Variants in NEK7 observed in about 807,000 individuals in gnomAD.
The protein encoded by NEK7 is serine/threonine-protein kinase Nek7.
A neutral mutation model predicts 44.6 loss-of-function variants in NEK7; 18 were observed. The observed-to-expected ratio is 0.40, with a 90% CI of 0.28 to 0.60. The LOEUF is 0.60. NEK7 is among the 20% of genes least tolerant of loss of function. The probability of loss-of-function intolerance (pLI) is 0.38; values close to 1 mark genes in which losing one functional copy is unlikely to be tolerated. For missense variants in NEK7, 256 were observed against 366.5 expected, an observed-to-expected ratio of 0.70 and a Z score of 2.46; for synonymous variants, 130 against 121.1, an observed-to-expected ratio of 1.07 and a Z score of -0.48.
At chr1:198,290,306 A>G (rs529042202) in intron 7 of NEK7, among the ~76,000 whole-genome samples, 1 of 152,332 alleles carries the variant, frequency 6.6e-6, no homozygotes, top group African/African-American at 2.4e-5. Flanking sequence ...AAGTCACAAC[A>G]TTCTTGAGGC....
chr1:198,224,840 G>A (rs1476226822), intron 1 of NEK7, among the ~76,000 whole-genome samples: 2 of 152,076 alleles, frequency 1.3e-5, no homozygotes, highest in African/African-American at 4.8e-5. Context: ...TTGTGGAACT[G>A]GGTCAATTAA....
intron 2 of NEK7, among the ~76,000 whole-genome samples, chr1:198,237,119 T>C (rs1666561783): frequency 6.6e-6 from 1 of 152,192 alleles, no homozygotes; most frequent in Admixed American, 6.5e-5. Context: ...ATTCTTCACT[T>C]GGCTTCCAGG....
chr1:198,278,099 C>A (rs116369607), intron 6 of NEK7, 30 bp downstream of exon 6: 25,590 of 1,188,550 alleles, frequency 0.022, 329 homozygotes, highest in Non-Finnish European at 0.026. Flanking sequence ...TACTTTTAAT[C>A]TTGTTTTAAA....
intron 1 of NEK7, among the ~76,000 whole-genome samples, chr1:198,204,996 C>T (rs2102802035): frequency 6.6e-6 from 1 of 152,124 alleles, no homozygotes; most frequent in East Asian, 1.9e-4. Flanking sequence ...ACTAAAATGC[C>T]CCAGGAATAG....
chr1:198,283,770 G>C (rs1367702231), intron 7 of NEK7, among the ~76,000 whole-genome samples: 1 of 151,956 alleles, frequency 6.6e-6, no homozygotes, highest in Non-Finnish European at 1.5e-5. Flanking sequence ...CAAATTTCTT[G>C]ACAATGATGG....
chr1:198,256,325 C>T (rs1653262271), intron 3 of NEK7: 2 of 1,598,886 alleles, frequency 1.3e-6, no homozygotes, highest in African/African-American at 1.3e-5. Context: ...CATTTTCCTG[C>T]AGGTTTGCCT....
In NEK7 at chr1:198,270,373, A is replaced by G. The variant is rs139956312; in HGVS notation, c.372+6138A>G. Among the ~76,000 whole-genome samples, 196 of 152,174 alleles carry G rather than the reference A, an allele frequency of 1.3e-3. 3 individuals are homozygous for G. In the Middle Eastern group the frequency reaches 0.027, roughly 21 times the overall value. ...TTTGCTAGACTAGCAATAAAACAAAATGTAACCTAATGTTTTGAGAAGAAA... is the reference window on the plus strand; with the variant it reads ...TTTGCTAGACTAGCAATAAAACAAAGTGTAACCTAATGTTTTGAGAAGAAA... On this transcript the variant is annotated intron_variant, in intron 5 of 9. Transcript: ENST00000367385.
At chr1:198,255,033 C>G (rs1462204341) in intron 3 of NEK7, among the ~76,000 whole-genome samples, 2 of 152,086 alleles carry the variant, frequency 1.3e-5, no homozygotes, top group African/African-American at 4.8e-5. Context: ...CTATCTAGAA[C>G]AGTTTAATGT....
chr1:198,300,787 C>T (rs1013062215), intron 9 of NEK7, among the ~76,000 whole-genome samples: 2 of 152,172 alleles, frequency 1.3e-5, no homozygotes, highest in Admixed American at 1.3e-4. Flanking sequence ...CAATAAATGA[C>T]AATTGAATGA....
intron 7 of NEK7, 120 bp from the exon 8 acceptor site, chr1:198,292,825 C>A: frequency 1.4e-6 from 1 of 711,404 alleles, no homozygotes; most frequent in Non-Finnish European, 2.5e-6. Context: ...AAACAGCTTT[C>A]GATCCTAATG....
chr1:198,216,996 T>G (rs192756360), intron 1 of NEK7, among the ~76,000 whole-genome samples: 5 of 151,988 alleles, frequency 3.3e-5, no homozygotes, highest in African/African-American at 1.2e-4. Context: ...CAGGGCCACA[T>G]AGATTCACAG....
At chr1:198,257,576 T>A (rs1161115224) in intron 3 of NEK7, among the ~76,000 whole-genome samples, 1 of 152,200 alleles carries the variant, frequency 6.6e-6, no homozygotes, top group Non-Finnish European at 1.5e-5. Flanking sequence ...TTTTATGAAC[T>A]TCATTTAATC....
chr1:198,189,580 T>C (rs553741174), intron 1 of NEK7, among the ~76,000 whole-genome samples: 29 of 152,286 alleles, frequency 1.9e-4, no homozygotes, highest in African/African-American at 6.7e-4. Context: ...TGAACAAATA[T>C]GTCATGACCC....
intron 9 of NEK7, among the ~76,000 whole-genome samples, chr1:198,315,042 C>A (rs1302682278): frequency 6.6e-6 from 1 of 152,194 alleles, no homozygotes; most frequent in Non-Finnish European, 1.5e-5. Context: ...CTCGCCGCCA[C>A]CTTGCAGTTT....
chr1:198,228,367 A>G (rs1297588478), intron 1 of NEK7, among the ~76,000 whole-genome samples: 1 of 152,166 alleles, frequency 6.6e-6, no homozygotes, highest in African/African-American at 2.4e-5. Flanking sequence ...TTTTGGTTCC[A>G]TGTGAACTTT....
At chr1:198,290,501 C>T (rs969344561) in intron 7 of NEK7, among the ~76,000 whole-genome samples, 2 of 152,100 alleles carry the variant, frequency 1.3e-5, no homozygotes, top group East Asian at 1.9e-4. Flanking sequence ...AATCAGTTTA[C>T]GTGATGGGGC....
At chr1:198,265,872 A>C (rs1435778944) in intron 5 of NEK7, among the ~76,000 whole-genome samples, 1 of 152,108 alleles carries the variant, frequency 6.6e-6, no homozygotes, top group African/African-American at 2.4e-5. Context: ...ACATTAGTAC[A>C]TATGTCTTTA....
chr1:198,306,589 C>A (rs1281096805), intron 9 of NEK7, among the ~76,000 whole-genome samples: 2 of 152,074 alleles, frequency 1.3e-5, no homozygotes, highest in Non-Finnish European at 2.9e-5. Flanking sequence ...ACTCTACGAT[C>A]TTAAAGTGGT....
intron 5 of NEK7, among the ~76,000 whole-genome samples, chr1:198,275,511 T>TA (rs1558090359): frequency 6.6e-6 from 1 of 150,956 alleles, no homozygotes; most frequent in Admixed American, 6.6e-5. Flanking sequence ...TTTTTTTTTT[T>TA]AATCAGAGCT....
Sources: gnomAD v4.1 joint callset for allele counts (sites outside exome capture counted in the v4.1 genomes callset) on GRCh38, gnomAD v4.1.1 for gene constraint, MANE v1.5 for transcripts, NCBI Gene and HGNC (gene_info 2026-07-23, HGNC 2026-07-21) for gene names.